The following RAB30 variants were observed in gnomAD, a reference collection of about 807,000 sequenced individuals.
RAB30 encodes ras-related protein Rab-30.
Under a neutral mutation model 25.1 loss-of-function variants are expected in RAB30, and 9 were observed. That is an observed-to-expected ratio of 0.36 (90% CI 0.22 to 0.63). The LOEUF is 0.63. Ranked by LOEUF, RAB30 falls within the 20% of genes least tolerant of loss-of-function variation. The pLI, the probability that RAB30 is intolerant of heterozygous loss-of-function variation, is 0.69. For synonymous variants in RAB30, 77 were observed against 86.4 expected (o/e 0.89, Z 0.60); for missense variants, 140 against 243.5 (o/e 0.58, Z 2.83).
chr11:82,981,073 A>G lies in RAB30; in HGVS notation c.*1092T>C, dbSNP rs1489688325. 1.3e-5 allele frequency: 2 copies of G among 152,188 alleles called. No individual in the cohort carries two copies. The highest frequency in any genetic ancestry group is 2.4e-5 in the African/African-American group (1 of 41,434). The allele number at this position is 152,188 out of a possible 1,614,324, so 9.4% of individuals were successfully genotyped here. ...CTATTCTCACTTATCATACTAAAAA[A>G]TCTACAAAATCCTAAGCCTTGGTCT... On this transcript the variant is annotated 3_prime_UTR_variant, in exon 5 of 5. Transcript: ENST00000527633.
intron 1 of RAB30, among the ~76,000 whole-genome samples, chr11:83,028,496 GT>G (rs1165494786): frequency 1.3e-5 from 2 of 152,132 alleles, no homozygotes; most frequent in African/African-American, 4.8e-5. Flanking sequence ...GAAGCACACT[GT>G]GAAACTTCAG....
chr11:83,038,656 AC>A (rs1198404560), intron 1 of RAB30: 1 of 152,102 alleles, frequency 6.6e-6, no homozygotes, highest in Non-Finnish European at 1.5e-5. Flanking sequence ...CCCTGTCTCT[AC>A]TAAAAATACA....
chr11:82,974,948 T>C lies in RAB30; in HGVS notation c.*7217A>G, dbSNP rs1164635047. 6.7e-6 allele frequency: 1 copy of C among 148,792 alleles called. No individual in the cohort carries two copies. Among genetic ancestry groups the C allele is most frequent in the African/African-American group, 2.4e-5 (1 of 40,888 alleles). The allele number at this position is 148,792 out of a possible 1,614,324, so 9.2% of individuals were successfully genotyped here. ...TGAGCAGAGTTTGTTGTTTTTTCTT[T>C]TTTTTTTTTTTTTTGCTGAAAACAG... is the stretch of plus-strand genomic sequence containing the variant. On this transcript the variant is annotated 3_prime_UTR_variant, in exon 5 of 5. Coordinates refer to ENST00000527633, the MANE Select transcript of RAB30 (RefSeq NM_001286060.2).
chr11:83,003,552 A>G (rs1294653837), intron 1 of RAB30, among the ~76,000 whole-genome samples: 1 of 152,064 alleles, frequency 6.6e-6, no homozygotes, highest in Non-Finnish European at 1.5e-5. Flanking sequence ...CCTCCCCAGT[A>G]GCTGGGATTA....
chr11:83,042,889 A>G (rs909733379), intron 1 of RAB30, among the ~76,000 whole-genome samples: 1 of 152,256 alleles, frequency 6.6e-6, no homozygotes, highest in Non-Finnish European at 1.5e-5. Flanking sequence ...TTTAGAGACT[A>G]AAGAGGTAAA....
intron 1 of RAB30, among the ~76,000 whole-genome samples, chr11:83,005,645 A>G (rs933243656): frequency 6.6e-5 from 10 of 152,180 alleles, no homozygotes; most frequent in Admixed American, 4.6e-4. Flanking sequence ...GTACTAGAAG[A>G]AAACATTATA....
chr11:82,993,429 A>G (rs1329929725), intron 3 of RAB30, among the ~76,000 whole-genome samples: 1 of 152,126 alleles, frequency 6.6e-6, no homozygotes, highest in Non-Finnish European at 1.5e-5. Flanking sequence ...ATGTAAAAGC[A>G]CCCAGCAGAG....
chr11:82,975,445 A>AT lies in RAB30; in HGVS notation c.*6719dup, dbSNP rs1351118729. 1.3e-5 allele frequency: 2 copies of AT among 152,108 alleles called. No individual in the cohort carries two copies. Among genetic ancestry groups the AT allele is most frequent in the Admixed American group, 1.3e-4 (2 of 15,268 alleles). The allele number at this position is 152,108 out of a possible 1,614,324, so 9.4% of individuals were successfully genotyped here. A position where few individuals can be genotyped will look rare whatever the true frequency, so the allele number is the denominator to read the frequency against. On this transcript the variant is annotated 3_prime_UTR_variant, in exon 5 of 5. Coordinates refer to ENST00000527633, the MANE Select transcript of RAB30 (RefSeq NM_001286060.2). ...TTATCTTTTGCTTTTCTGTACATGAATTTTTTCTTTATTAGGCATTTTGTA... is the reference window on the plus strand; with the variant it reads ...TTATCTTTTGCTTTTCTGTACATGAATTTTTTTCTTTATTAGGCATTTTGTA...
At chr11:83,014,603 C>CAGAGAGAG (rs60032268) in intron 1 of RAB30, among the ~76,000 whole-genome samples, 79,236 of 134,606 alleles carry the variant, frequency 0.59, 23,853 homozygotes, top group African/African-American at 0.73. Context: ...GAGGCAGAGG[C>CAGAGAGAG]AGAGAGAGAC....
intron 1 of RAB30, among the ~76,000 whole-genome samples, chr11:83,064,341 C>G (rs543583533): frequency 1.3e-5 from 2 of 152,292 alleles, no homozygotes; most frequent in Admixed American, 1.3e-4. Context: ...GTCCTGGACT[C>G]AAGCAATTCA....
At chr11:83,012,934 G>A (rs1416497111) in intron 1 of RAB30, among the ~76,000 whole-genome samples, 3 of 152,022 alleles carry the variant, frequency 2.0e-5, no homozygotes, top group African/African-American at 7.3e-5. Flanking sequence ...TACTCACAGG[G>A]CTCATCTCTC....
Position 83,061,464 on chromosome 11 carries a change from GTAA to G in RAB30, c.-9+10224_-9+10226del, listed in dbSNP as rs1386820367. Among the ~76,000 whole-genome samples, 3 of 152,154 alleles carry G rather than the reference GTAA, an allele frequency of 2.0e-5. No homozygotes were observed. In the East Asian group the frequency reaches 5.8e-4, roughly 29 times the overall value. On this transcript the variant is annotated intron_variant, in intron 1 of 4. Transcript: ENST00000527633. ...ATCAGAAAAATATGATTGTTTCCATGTAATGGTATTGTGATTACATGGGAGAAT... is the reference window on the plus strand; with the variant it reads ...ATCAGAAAAATATGATTGTTTCCATGTGGTATTGTGATTACATGGGAGAAT...
At chr11:83,015,142 A>C (rs1373038018) in intron 1 of RAB30, among the ~76,000 whole-genome samples, 1 of 152,326 alleles carries the variant, frequency 6.6e-6, no homozygotes, top group South Asian at 2.1e-4. Flanking sequence ...TGTGACACAA[A>C]CCAATTAACA....
intron 1 of RAB30, among the ~76,000 whole-genome samples, chr11:83,043,095 C>G (rs1243825824): frequency 6.6e-6 from 1 of 152,160 alleles, no homozygotes; most frequent in African/African-American, 2.4e-5. Context: ...TGCAGTTATT[C>G]CCATCAAGAG....
chr11:83,011,149 T>C (rs1857294502), intron 1 of RAB30, among the ~76,000 whole-genome samples: 1 of 152,232 alleles, frequency 6.6e-6, no homozygotes, highest in Non-Finnish European at 1.5e-5. Flanking sequence ...GTATGTACCA[T>C]AGACACATTT....
At chr11:83,000,976 G>A (rs773727036) in intron 1 of RAB30, among the ~76,000 whole-genome samples, 169 of 150,668 alleles carry the variant, frequency 1.1e-3, no homozygotes, top group Non-Finnish European at 1.2e-3. Flanking sequence ...GAACCCAGAA[G>A]GCAGAGCTTG....
intron 2 of RAB30, among the ~76,000 whole-genome samples, chr11:82,995,797 CT>C (rs1856945234): frequency 6.6e-6 from 1 of 152,164 alleles, no homozygotes; most frequent in Non-Finnish European, 1.5e-5. Context: ...TAATCCTAGC[CT>C]TGCCACTCTA....
intron 1 of RAB30, among the ~76,000 whole-genome samples, chr11:83,013,666 T>C (rs1451258398): frequency 6.6e-6 from 1 of 152,148 alleles, no homozygotes; most frequent in Non-Finnish European, 1.5e-5. Flanking sequence ...AAAACTATAA[T>C]TTCCCAAGAG....
chr11:83,038,271 T>C (rs1053509130), intron 1 of RAB30, among the ~76,000 whole-genome samples: 2 of 152,154 alleles, frequency 1.3e-5, no homozygotes, highest in African/African-American at 2.4e-5. Context: ...GTTAGCTAAT[T>C]TTAGTCACTA....
Sources: allele counts gnomAD v4.1 joint callset (sites outside exome capture counted in the v4.1 genomes callset), GRCh38; gene constraint gnomAD v4.1.1; transcripts MANE v1.5; gene names NCBI Gene and HGNC (gene_info 2026-07-23, HGNC 2026-07-21).